Variants in ZPR1 observed in about 807,000 individuals in gnomAD.
ZPR1 encodes ZPR1 zinc finger.
In ZPR1, 37 loss-of-function variants were observed where a neutral mutation model predicts 59.6. The observed-to-expected ratio is 0.62, with a 90% confidence interval of 0.48 to 0.82. ZPR1 has a LOEUF of 0.82. Ranked by LOEUF, ZPR1 falls within the 40% of genes least tolerant of loss-of-function variation. The probability of loss-of-function intolerance (pLI) is 0.00; values close to 1 mark genes in which losing one functional copy is unlikely to be tolerated. For synonymous variants in ZPR1, 191 were observed against 215.2 expected (o/e 0.89, Z 0.99); for missense variants, 527 against 579.9 (o/e 0.91, Z 0.94).
Position 116,775,798 on chromosome 11 carries a change from G to C in ZPR1, c.*3127C>G, listed in dbSNP as rs1940715781. The C allele has an allele frequency of 6.0e-6, 1 of 166,600 alleles. No individual in the cohort carries two copies. Among genetic ancestry groups the C allele is most frequent in the Admixed American group, 6.5e-5 (1 of 15,278 alleles). The allele number at this position is 166,600 out of a possible 1,614,324, so 10.3% of individuals were successfully genotyped here. A position where few individuals can be genotyped will look rare whatever the true frequency, so the allele number is the denominator to read the frequency against. On this transcript the variant is annotated 3_prime_UTR_variant, in exon 14 of 14. Transcript: ENST00000227322. The stretch of plus-strand genomic sequence containing the variant: ...ATTGGAAGTGCCAATACTAAACTGA[G>C]GTGAACGCACAAAATAAGCAGCTTT...
rs753146520 is a variant in ZPR1 at position 116,783,516 on chromosome 11, A to T, written c.981+14T>A. 8 of 1,608,664 alleles carry T rather than the reference A, an allele frequency of 5.0e-6. No homozygotes were observed. The highest frequency in any genetic ancestry group is 3.3e-4 in the Middle Eastern group (2 of 6,048). ...TTATGAGGACAACAGTGACTTTCCCAAGCAGACTGTTACCTTGAGGAGGTC... is the reference window on the plus strand; with the variant it reads ...TTATGAGGACAACAGTGACTTTCCCTAGCAGACTGTTACCTTGAGGAGGTC... On this transcript the variant is annotated intron_variant, in intron 10 of 13. Coordinates refer to ENST00000227322, the MANE Select transcript of ZPR1 (RefSeq NM_003904.5).
chr11:116,785,469 C>T lies in ZPR1; in HGVS notation c.705+45G>A, dbSNP rs370322613. On this transcript the variant is annotated intron_variant, in intron 6 of 13. Coordinates refer to ENST00000227322, the MANE Select transcript of ZPR1 (RefSeq NM_003904.5). ...CACTGACTCCAAGCAATCCAGAGTG[C>T]GCGATAATTCCAGAGCATTCTTCTG... 646 of 1,604,872 alleles carry T rather than the reference C, an allele frequency of 4.0e-4. 1 individual carries two copies. Among genetic ancestry groups the T allele is most frequent in the South Asian group, 1.1e-3 (98 of 90,464 alleles).
chr11:116,784,772 C>T, intron 8 of ZPR1, 83 bp downstream of exon 8: 1 of 1,412,536 alleles, frequency 7.1e-7, no homozygotes, highest in Non-Finnish European at 1.0e-6. Flanking sequence ...ATGTGTTTTC[C>T]TTGAAAGGGA....
intron 1 of ZPR1, 31 bp downstream of exon 1, chr11:116,787,789 C>T: frequency 1.3e-6 from 2 of 1,535,660 alleles, no homozygotes; most frequent in East Asian, 4.9e-5. Context: ...GCCCTACCCA[C>T]CCGCCGCTCG....
rs772320792 is a variant in ZPR1 at position 116,787,909 on chromosome 11, G to A, written c.82C>T (p.Pro28Ser). 2 of 1,521,104 alleles carry A rather than the reference G, an allele frequency of 1.3e-6. No homozygotes were observed. The highest frequency in any genetic ancestry group is 2.4e-5 in the South Asian group (2 of 82,440). 94.2% of individuals were successfully genotyped at this position (1,521,104 alleles called of 1,614,324 possible). ...CTGATGGGCCGGAACAGGTGATCAG[G>A]GGCAGGCGGCGGGGCCGGGGCGGGC... ...PSPAPAPPPAPDHLFRPISAE... is the reference protein window; with the variant it reads ...PSPAPAPPPASDHLFRPISAE... Residue 28 changes from proline (P) to serine (S), a missense_variant, in exon 1 of 14, where the codon CCT (proline) becomes TCT (serine). Pro to Ser is a moderately conservative substitution (Grantham distance 74, BLOSUM62 -1). Transcript: ENST00000227322.
At chr11:116,779,744 A>G in intron 13 of ZPR1, 28 bp downstream of exon 13, 2 of 1,532,760 alleles carry the variant, frequency 1.3e-6, no homozygotes, top group East Asian at 2.3e-5. Flanking sequence ...ATGTATCTCT[A>G]TGAAACATCA....
intron 11 of ZPR1, among the ~76,000 whole-genome samples, chr11:116,782,599 C>T (rs1940824569): frequency 6.6e-6 from 1 of 152,286 alleles, no homozygotes. Flanking sequence ...TAAGTCAACC[C>T]ATACATGTAT....
intron 5 of ZPR1, 47 bp downstream of exon 5, chr11:116,785,749 G>T: frequency 6.2e-7 from 1 of 1,611,026 alleles, no homozygotes; most frequent in South Asian, 1.1e-5. Flanking sequence ...AGTCTTAATG[G>T]TCCCTCCTCC....
intron 11 of ZPR1, among the ~76,000 whole-genome samples, chr11:116,782,525 C>T (rs137946240): frequency 6.6e-6 from 1 of 152,296 alleles, no homozygotes; most frequent in African/African-American, 2.4e-5. Context: ...GTACAATTTA[C>T]AAATACAAAA....
At chr11:116,786,435 G>A in intron 4 of ZPR1, 76 bp downstream of exon 4, 1 of 1,534,592 alleles carries the variant, frequency 6.5e-7, no homozygotes, top group Middle Eastern at 1.7e-4. Context: ...CTTAGTCAGA[G>A]ACTCTTCAGA....
chr11:116,787,384 G>A (rs1940903548), intron 2 of ZPR1, 98 bp downstream of exon 2: 7 of 1,268,670 alleles, frequency 5.5e-6, no homozygotes, highest in Non-Finnish European at 7.7e-6. Flanking sequence ...GAGACATAGG[G>A]GGATTTATTT....
intron 6 of ZPR1, 70 bp downstream of exon 6, chr11:116,785,444 C>T: frequency 6.3e-7 from 1 of 1,579,946 alleles, no homozygotes; most frequent in Non-Finnish European, 8.6e-7. Context: ...AAATAAGTTC[C>T]ACTGACTCCA....
Position 116,784,371 on chromosome 11 carries a change from CA to C in ZPR1, c.891+6del. The stretch of plus-strand genomic sequence containing the variant: ...AGTCTTCTTCCCAAATAATGGCGCC[CA>C]CCCACCTCATTGGTCCGATGCCCAC... On this transcript the variant is annotated splice_donor_region_variant and intron_variant, in intron 9 of 13. Transcript: ENST00000227322. 6.2e-7 allele frequency: 1 copy of C among 1,613,908 alleles called. No homozygotes were observed. Among genetic ancestry groups the C allele is most frequent in the Non-Finnish European group, 8.5e-7 (1 of 1,179,946 alleles).
Position 116,787,077 on chromosome 11 carries a change from C to G in ZPR1, c.334-18G>C, listed in dbSNP as rs761165130. 1.2e-6 allele frequency: 2 copies of G among 1,602,884 alleles called. No individual in the cohort carries two copies. The highest frequency in any genetic ancestry group is 1.7e-6 in the Non-Finnish European group (2 of 1,169,812). ...TTCATGTCCTGGGAAGAAAAGAATA[C>G]GTTCAGTACAAAGAGACTGCAGAAC... On this transcript the variant is annotated intron_variant, in intron 2 of 13. Coordinates refer to ENST00000227322, the MANE Select transcript of ZPR1 (RefSeq NM_003904.5).
At position 116,787,659 on chromosome 11, in the gene ZPR1, G is replaced by C. The variant is rs1331981156; in HGVS notation, c.172-16C>G. 7 of 1,601,704 alleles carry C rather than the reference G, an allele frequency of 4.4e-6. No individual in the cohort carries two copies. Among genetic ancestry groups the C allele is most frequent in the Non-Finnish European group, 6.0e-6 (7 of 1,170,310 alleles). ...GCGTCATGCCCTGGTGAAGTAGAAA[G>C]TAGCTAAGGAAAAAAATCAATGAAA... On this transcript the variant is annotated splice_polypyrimidine_tract_variant and intron_variant, in intron 1 of 13. Coordinates refer to ENST00000227322, the MANE Select transcript of ZPR1 (RefSeq NM_003904.5).
chr11:116,782,119 C>T (rs774871808), intron 12 of ZPR1, 39 bp downstream of exon 12: 5 of 1,531,652 alleles, frequency 3.3e-6, no homozygotes, highest in Admixed American at 1.7e-5. Context: ...TCACTGGAGC[C>T]CCAGGATTCT....
intron 11 of ZPR1, among the ~76,000 whole-genome samples, chr11:116,782,485 A>G (rs1940823251): frequency 6.6e-6 from 1 of 152,246 alleles, no homozygotes. Flanking sequence ...GATCTCTGAT[A>G]CTAATTTGGA....
chr11:116,783,084 A>G (rs1940833025), intron 10 of ZPR1, 55 bp from the exon 11 acceptor site: 1 of 1,379,552 alleles, frequency 7.2e-7, no homozygotes, highest in African/African-American at 1.4e-5. Flanking sequence ...AAAGCCAACC[A>G]GAGGCCTCCT....
chr11:116,788,008 C>A lies in ZPR1; in HGVS notation c.-18G>T. The A allele has an allele frequency of 7.1e-7, 1 of 1,417,940 alleles. No individual in the cohort carries two copies. Among genetic ancestry groups the A allele is most frequent in the South Asian group, 1.5e-5 (1 of 65,176 alleles). 87.8% of individuals were successfully genotyped at this position (1,417,940 alleles called of 1,614,324 possible). ...GCCGCCATGGCCACCACGCGCAATT[C>A]AGACCTCGGCTTCCTACTTCCGCCG... On this transcript the variant is annotated 5_prime_UTR_variant, in exon 1 of 14. Coordinates refer to ENST00000227322, the MANE Select transcript of ZPR1 (RefSeq NM_003904.5).
Sources: gnomAD v4.1 joint callset for allele counts (sites outside exome capture counted in the v4.1 genomes callset) on GRCh38, gnomAD v4.1.1 for gene constraint, MANE v1.5 for transcripts, NCBI Gene and HGNC (gene_info 2026-07-23, HGNC 2026-07-21) for gene names.